Variants in PALM2AKAP2 observed in about 807,000 individuals in gnomAD.
PALM2AKAP2 encodes PALM2-AKAP2 fusion protein.
A neutral mutation model predicts 71.5 loss-of-function variants in PALM2AKAP2; 37 were observed. That is an observed-to-expected ratio of 0.52 (90% CI 0.40 to 0.68). PALM2AKAP2 has a LOEUF of 0.68. PALM2AKAP2 is among the 30% of genes least tolerant of loss of function. The probability of loss-of-function intolerance (pLI) is 0.00; values close to 1 mark genes in which losing one functional copy is unlikely to be tolerated. For missense variants in PALM2AKAP2, 1,224 were observed against 1,191.8 expected, an observed-to-expected ratio of 1.03 and a Z score of -0.40; for synonymous variants, 468 against 478.8, an observed-to-expected ratio of 0.98 and a Z score of 0.29.
intron 1 of PALM2AKAP2, among the ~76,000 whole-genome samples, chr9:110,092,418 G>T (rs1200398214): frequency 6.6e-6 from 1 of 152,136 alleles, no homozygotes; most frequent in Non-Finnish European, 1.5e-5. Context: ...TTGTTTCCTT[G>T]TATTTTAATT....
intron 7 of PALM2AKAP2, among the ~76,000 whole-genome samples, chr9:110,038,813 C>T (rs1217389834): frequency 1.3e-5 from 2 of 150,834 alleles, no homozygotes; most frequent in Non-Finnish European, 2.9e-5. Context: ...TGGTGGAGGG[C>T]GCTTGTAATC....
At chr9:109,997,060 G>A (rs938578931) in intron 6 of PALM2AKAP2, among the ~76,000 whole-genome samples, 2 of 152,108 alleles carry the variant, frequency 1.3e-5, no homozygotes, top group African/African-American at 4.8e-5. Context: ...GTGGTGGCAT[G>A]TACTTATAGT....
intron 1 of PALM2AKAP2, among the ~76,000 whole-genome samples, chr9:109,864,282 T>A (rs1380794899): frequency 2.6e-5 from 4 of 152,238 alleles, no homozygotes; most frequent in Admixed American, 1.3e-4. Context: ...AATGTATGAC[T>A]ACAGCACAAA....
intron 1 of PALM2AKAP2, among the ~76,000 whole-genome samples, chr9:109,805,525 G>A (rs935322888): frequency 3.9e-5 from 6 of 152,132 alleles, no homozygotes; most frequent in African/African-American, 1.2e-4. Context: ...TTTGGCACTG[G>A]AAACACAAAT....
chr9:110,094,619 A>C (rs975913408), intron 1 of PALM2AKAP2, among the ~76,000 whole-genome samples: 2 of 151,332 alleles, frequency 1.3e-5, no homozygotes, highest in African/African-American at 4.9e-5. Context: ...ACATACTTTT[A>C]AACAACAAGA....
intron 5 of PALM2AKAP2, among the ~76,000 whole-genome samples, chr9:109,931,507 C>G (rs577893428): frequency 2.0e-5 from 3 of 152,306 alleles, no homozygotes; most frequent in African/African-American, 7.2e-5. Flanking sequence ...ACACAGAAAG[C>G]TTTATTTCCG....
chr9:109,829,462 A>G (rs1007421557), intron 1 of PALM2AKAP2, among the ~76,000 whole-genome samples: 1 of 152,176 alleles, frequency 6.6e-6, no homozygotes, highest in Admixed American at 6.5e-5. Flanking sequence ...AGCACATAGT[A>G]GTTGCTTGTG....
chr9:109,966,047 T>C (rs1831941891), intron 6 of PALM2AKAP2, among the ~76,000 whole-genome samples: 1 of 152,300 alleles, frequency 6.6e-6, no homozygotes, highest in Non-Finnish European at 1.5e-5. Flanking sequence ...TTGTTTTTTG[T>C]TGGAGACTAG....
intron 1 of PALM2AKAP2, among the ~76,000 whole-genome samples, chr9:109,712,963 C>A (rs1348754338): frequency 6.6e-6 from 1 of 152,214 alleles, no homozygotes; most frequent in Non-Finnish European, 1.5e-5. Flanking sequence ...AAGAATAAAT[C>A]TCTTTCACCC....
At chr9:110,156,057 A>G (rs975874103) in intron 2 of PALM2AKAP2, among the ~76,000 whole-genome samples, 16 of 152,216 alleles carry the variant, frequency 1.1e-4, no homozygotes, top group Non-Finnish European at 1.8e-4. Flanking sequence ...TCTGTCCAAC[A>G]TATATTTGCA....
At chr9:109,968,247 T>C (rs1831994045) in intron 6 of PALM2AKAP2, among the ~76,000 whole-genome samples, 1 of 152,230 alleles carries the variant, frequency 6.6e-6, no homozygotes, top group South Asian at 2.1e-4. Flanking sequence ...CTGGCCTGCC[T>C]GCTTTGCAAC....
At chr9:110,094,394 C>T (rs944561177) in intron 1 of PALM2AKAP2, among the ~76,000 whole-genome samples, 3 of 152,152 alleles carry the variant, frequency 2.0e-5, no homozygotes, top group African/African-American at 4.8e-5. Context: ...TTAGTTAGTT[C>T]TCACATTGCT....
At chr9:109,775,792 TC>T (rs1829341094), upstream of PALM2AKAP2, among the ~76,000 whole-genome samples, 1 of 152,212 alleles carries the variant, frequency 6.6e-6, no homozygotes, top group Non-Finnish European at 1.5e-5. Flanking sequence ...GCTCTTGTTT[TC>T]CCCACAAAGG....
intron 6 of PALM2AKAP2, among the ~76,000 whole-genome samples, chr9:109,977,043 A>G (rs76915240): frequency 6.6e-6 from 1 of 151,988 alleles, no homozygotes; most frequent in Non-Finnish European, 1.5e-5. Context: ...AAAAAAAAAA[A>G]GCAAGCAGAT....
At chr9:109,667,666 A>C (rs1003753103) in intron 1 of PALM2AKAP2, among the ~76,000 whole-genome samples, 1 of 151,992 alleles carries the variant, frequency 6.6e-6, no homozygotes, top group African/African-American at 2.4e-5. Context: ...GGTGGCACAC[A>C]CCTGTAATCC....
chr9:109,812,706 C>T lies in PALM2AKAP2; in HGVS notation c.45+32173C>T, dbSNP rs117904828. ...GGAAACCACAGGTCCTTCTCTTGGC[C>T]TTGCCAGCTTTATTCTTCCCTAGGG... On this transcript the variant is annotated intron_variant, in intron 1 of 9. Coordinates refer to the PALM2AKAP2 transcript ENST00000302798. Among the ~76,000 whole-genome samples, 1,132 of 152,348 alleles carry T rather than the reference C, an allele frequency of 7.4e-3. 8 individuals carry two copies. Among genetic ancestry groups the T allele is most frequent in the Middle Eastern group, 0.014 (4 of 294 alleles).
exon 4 of PALM2AKAP2, chr9:110,171,199 G>A (rs182305930): frequency 2.6e-5 from 4 of 152,342 alleles, no homozygotes; most frequent in Admixed American, 6.5e-5. Flanking sequence ...CACACTATTC[G>A]CGGAATGGCT....
intron 7 of PALM2AKAP2, among the ~76,000 whole-genome samples, chr9:110,027,756 C>T (rs7024673): frequency 0.23 from 35,708 of 152,146 alleles, 5,265 homozygotes; most frequent in Admixed American, 0.35. Flanking sequence ...AGCATTTAGA[C>T]TCTTCCGGTG....
At chr9:110,167,605 G>A (rs1277554251) in intron 3 of PALM2AKAP2, among the ~76,000 whole-genome samples, 2 of 152,106 alleles carry the variant, frequency 1.3e-5, no homozygotes, top group African/African-American at 2.4e-5. Flanking sequence ...CCTTAGTGTT[G>A]TCACCTTTCA....
Sources: allele counts gnomAD v4.1 joint callset (sites outside exome capture counted in the v4.1 genomes callset), GRCh38; gene constraint gnomAD v4.1.1; transcripts MANE v1.5; gene names NCBI Gene and HGNC (gene_info 2026-07-23, HGNC 2026-07-21).